The following PRIM2 variants were observed in gnomAD, a reference collection of about 807,000 sequenced individuals.
The protein encoded by PRIM2 is DNA primase large subunit.
PRIM2 carries 39 observed loss-of-function variants against 67.3 expected under a neutral mutation model. The observed-to-expected ratio is 0.58, with a 90% CI of 0.45 to 0.76. The LOEUF (loss-of-function observed/expected upper bound fraction) is 0.76. Ranked by LOEUF, PRIM2 falls within the 30% of genes least tolerant of loss-of-function variation. The pLI is 0.00. For missense variants in PRIM2, 398 were observed against 598.7 expected (o/e 0.66, Z 3.50); for synonymous variants, 143 against 198.7 (o/e 0.72, Z 2.36).
chr6:57,236,242 A>G, the PRIM2 span, among the ~76,000 whole-genome samples: 1 of 152,086 alleles, frequency 6.6e-6, no homozygotes. Flanking sequence ...GTCACCATTC[A>G]TGTCCAAATC....
intron 7 of PRIM2, among the ~76,000 whole-genome samples, chr6:57,455,262 G>A: frequency 6.6e-6 from 1 of 152,224 alleles, no homozygotes; most frequent in South Asian, 2.1e-4. Context: ...TGTGTATTCT[G>A]TTGATTTGGG....
chr6:57,308,140 T>G, the PRIM2 span, among the ~76,000 whole-genome samples: 3 of 152,076 alleles, frequency 2.0e-5, no homozygotes, highest in Admixed American at 6.5e-5. Flanking sequence ...TTCTCTCTTT[T>G]TTTTTTTGAG....
At chr6:57,473,991 C>T (rs1773404444) in intron 7 of PRIM2, among the ~76,000 whole-genome samples, 1 of 151,542 alleles carries the variant, frequency 6.6e-6, no homozygotes, top group Non-Finnish European at 1.5e-5. Context: ...TTTTCTTGTG[C>T]AAATTACTCA....
At chr6:57,518,892 G>A (rs1171909197) in intron 8 of PRIM2, among the ~76,000 whole-genome samples, 1 of 151,868 alleles carries the variant, frequency 6.6e-6, no homozygotes, top group Non-Finnish European at 1.5e-5. Context: ...ACTTATTATC[G>A]GGGAACCTGC....
chr6:57,394,394 T>A lies in PRIM2; in HGVS notation c.693+12226T>A, dbSNP rs1189580728. Among the ~76,000 whole-genome samples the A allele has an allele frequency of 2.0e-5, 3 of 152,184 alleles. 1 individual carries two copies. In the South Asian group the frequency reaches 6.2e-4, roughly 31 times the overall value. ...TCTTTTGACTCCTTGGTTAGGTATA[T>A]TCTTAAGTATTTTATTTTATTTTTT... On this transcript the variant is annotated intron_variant, in intron 7 of 13. Transcript: ENST00000615550.
chr6:57,241,866 G>T, the PRIM2 span, among the ~76,000 whole-genome samples: 1 of 151,898 alleles, frequency 6.6e-6, no homozygotes, highest in African/African-American at 2.4e-5. Context: ...TAGAGATGGG[G>T]TTTCACCATG....
chr6:57,453,301 A>G (rs1581919308), intron 7 of PRIM2, among the ~76,000 whole-genome samples: 1 of 152,132 alleles, frequency 6.6e-6, no homozygotes, highest in South Asian at 2.1e-4. Context: ...ACTTTAAGGT[A>G]GTTTTTTCCA....
intron 5 of PRIM2, among the ~76,000 whole-genome samples, chr6:57,350,195 A>G (rs1202054478): frequency 6.6e-6 from 1 of 152,130 alleles, no homozygotes; most frequent in East Asian, 1.9e-4. Flanking sequence ...AGAGTTCTTC[A>G]TAGAACATGT....
intron 12 of PRIM2, among the ~76,000 whole-genome samples, chr6:57,608,772 C>T (rs1446272685): frequency 1.3e-5 from 2 of 150,862 alleles, no homozygotes; most frequent in South Asian, 2.1e-4. Context: ...TTAGCTTAAG[C>T]ATCATAGGAT....
chr6:57,252,968 A>T, the PRIM2 span, among the ~76,000 whole-genome samples: 1,979 of 152,314 alleles, frequency 0.013, 45 homozygotes, highest in African/African-American at 0.044. Context: ...AGAAATAGAA[A>T]TATTAGAATA....
intron 5 of PRIM2, among the ~76,000 whole-genome samples, chr6:57,374,598 A>G (rs188452402): frequency 1.5e-5 from 2 of 131,468 alleles, no homozygotes; most frequent in East Asian, 2.3e-4. Context: ...GGCCTTATTT[A>G]TTTATTTTTT....
intron 6 of PRIM2, among the ~76,000 whole-genome samples, chr6:57,380,366 C>T (rs1297265717): frequency 2.6e-5 from 4 of 152,198 alleles, no homozygotes; most frequent in Admixed American, 6.5e-5. Flanking sequence ...AGCCCCCTTT[C>T]GCTTCTCTTG....
chr6:57,343,600 G>A (rs1444855413), intron 5 of PRIM2, among the ~76,000 whole-genome samples: 3 of 151,966 alleles, frequency 2.0e-5, no homozygotes, highest in African/African-American at 7.2e-5. Context: ...TTTTCACAGG[G>A]CTTCTGGCAA....
intron 7 of PRIM2, among the ~76,000 whole-genome samples, chr6:57,415,808 A>G (rs377198677): frequency 6.6e-6 from 1 of 152,212 alleles, no homozygotes; most frequent in Non-Finnish European, 1.5e-5. Context: ...TTGCTCATCC[A>G]TGGGAAACAA....
chr6:57,639,044 C>A (rs1215856483), intron 13 of PRIM2, among the ~76,000 whole-genome samples: 1 of 151,330 alleles, frequency 6.6e-6, no homozygotes, highest in Non-Finnish European at 1.5e-5. Context: ...GAATGGAAAT[C>A]TTAACAGTCT....
chr6:57,302,360 G>C, the PRIM2 span, among the ~76,000 whole-genome samples: 1 of 152,124 alleles, frequency 6.6e-6, no homozygotes, highest in Non-Finnish European at 1.5e-5. Flanking sequence ...TGAATCATTG[G>C]AAGGCATTTT....
At chr6:57,408,269 G>A (rs1360649006) in intron 7 of PRIM2, among the ~76,000 whole-genome samples, 36 of 152,178 alleles carry the variant, frequency 2.4e-4, no homozygotes, top group African/African-American at 7.7e-4. Flanking sequence ...GAAGAAAGAA[G>A]CAAGAAGCGC....
chr6:57,513,356 A>G (rs1252013970), intron 8 of PRIM2, among the ~76,000 whole-genome samples: 2 of 144,518 alleles, frequency 1.4e-5, no homozygotes, highest in Non-Finnish European at 3.0e-5. Flanking sequence ...TAGGCTAGCA[A>G]GTGTGCATGA....
chr6:57,490,300 G>C (rs2127409654), intron 7 of PRIM2, among the ~76,000 whole-genome samples: 1 of 152,292 alleles, frequency 6.6e-6, no homozygotes, highest in East Asian at 1.9e-4. Context: ...TTTGTTGCCA[G>C]TGGCTCATCC....
Sources: gnomAD v4.1 joint callset for allele counts (sites outside exome capture counted in the v4.1 genomes callset) on GRCh38, gnomAD v4.1.1 for gene constraint, MANE v1.5 for transcripts, NCBI Gene and HGNC (gene_info 2026-07-23, HGNC 2026-07-21) for gene names.